Variants in ZNF407 observed in about 807,000 individuals in gnomAD.
ZNF407 encodes zinc finger protein 407.
A neutral mutation model predicts 131.2 loss-of-function variants in ZNF407; 17 were observed. The ratio of observed to expected loss-of-function variants is 0.13; its 90% CI spans 0.09 to 0.19. The LOEUF (loss-of-function observed/expected upper bound fraction) is 0.19, where lower values mean the gene tolerates loss of function less well. ZNF407 is among the 10% of genes least tolerant of loss of function. The probability of loss-of-function intolerance (pLI) is 1.00; values close to 1 mark genes in which losing one functional copy is unlikely to be tolerated. For missense variants in ZNF407, 2,681 were observed against 2,830.6 expected (o/e 0.95, Z 1.20); for synonymous variants, 1,156 against 1,062.0 (o/e 1.09, Z -1.72).
At chr18:74,877,407 A>T in intron 5 of ZNF407, 44 bp downstream of exon 5, 1 of 1,587,234 alleles carries the variant, frequency 6.3e-7, no homozygotes, top group Non-Finnish European at 8.6e-7. Context: ...GGGCAGAGGT[A>T]GACTGGGTGG....
At chr18:75,051,911 A>T (rs1309564593) in intron 8 of ZNF407, among the ~76,000 whole-genome samples, 1 of 152,218 alleles carries the variant, frequency 6.6e-6, no homozygotes, top group South Asian at 2.1e-4. Flanking sequence ...GGTTCATTTG[A>T]CACACAGCCA....
intron 4 of ZNF407, among the ~76,000 whole-genome samples, chr18:74,863,714 T>C (rs1970970193): frequency 6.6e-6 from 1 of 152,186 alleles, no homozygotes; most frequent in Non-Finnish European, 1.5e-5. Flanking sequence ...CTATTATGTT[T>C]TTCTATTCTA....
intron 7 of ZNF407, chr18:74,897,897 G>A (rs991882928): frequency 4.6e-5 from 7 of 152,164 alleles, no homozygotes; most frequent in Non-Finnish European, 8.8e-5. Flanking sequence ...ACTATTGGTG[G>A]AAAATAGCAA....
chr18:74,815,813 A>G (rs986889980), intron 4 of ZNF407, among the ~76,000 whole-genome samples: 2 of 152,136 alleles, frequency 1.3e-5, no homozygotes, highest in African/African-American at 4.8e-5. Context: ...TATGGCTACT[A>G]TTGTAGGTCC....
intron 8 of ZNF407, among the ~76,000 whole-genome samples, chr18:74,936,119 GA>G (rs1972037281): frequency 6.6e-6 from 1 of 152,004 alleles, no homozygotes; most frequent in Non-Finnish European, 1.5e-5. Flanking sequence ...AGTATGTTAC[GA>G]AGACATTTTA....
At chr18:74,666,986 C>T (rs1384522090) in intron 3 of ZNF407, among the ~76,000 whole-genome samples, 1 of 152,150 alleles carries the variant, frequency 6.6e-6, no homozygotes, top group Non-Finnish European at 1.5e-5. Flanking sequence ...ATCTTTTCCC[C>T]AGGGTTCTGC....
chr18:74,673,674 T>C (rs1171463223), intron 3 of ZNF407, among the ~76,000 whole-genome samples: 3 of 152,214 alleles, frequency 2.0e-5, no homozygotes, highest in African/African-American at 7.2e-5. Flanking sequence ...TTTGGGATGA[T>C]AGCTTGTCAG....
intron 3 of ZNF407, among the ~76,000 whole-genome samples, chr18:74,643,426 T>C (rs1984815773): frequency 6.6e-6 from 1 of 152,108 alleles, no homozygotes; most frequent in Non-Finnish European, 1.5e-5. Context: ...TCCTGCATTA[T>C]GTTTTCTTTT....
intron 4 of ZNF407, among the ~76,000 whole-genome samples, chr18:74,797,150 A>G (rs1294321641): frequency 6.6e-6 from 1 of 152,036 alleles, no homozygotes; most frequent in Non-Finnish European, 1.5e-5. Context: ...CTCACCTGTT[A>G]TTTTTAGAAC....
intron 8 of ZNF407, among the ~76,000 whole-genome samples, chr18:74,926,148 G>A (rs1346215983): frequency 1.3e-5 from 2 of 152,114 alleles, no homozygotes; most frequent in African/African-American, 2.4e-5. Context: ...CAAATACTCC[G>A]GAGCTGTCTG....
Position 74,870,169 on chromosome 18 carries a change from A to C in ZNF407, c.4878-7028A>C, listed in dbSNP as rs896860674. Among the ~76,000 whole-genome samples, 70 of 152,334 alleles carry C rather than the reference A, an allele frequency of 4.6e-4. 1 individual carries two copies. The highest frequency in any genetic ancestry group is 1.6e-3 in the African/African-American group (67 of 41,582). On this transcript the variant is annotated intron_variant, in intron 4 of 8. Coordinates refer to ENST00000299687, the MANE Select transcript of ZNF407 (RefSeq NM_017757.3). ...CCTCCCAGAAGTTATTTTGACAAAA[A>C]GCTTTTTAACCCTTGAATTGAATTG...
At chr18:74,987,386 C>T (rs534407340) in intron 8 of ZNF407, among the ~76,000 whole-genome samples, 1 of 152,228 alleles carries the variant, frequency 6.6e-6, no homozygotes, top group Admixed American at 6.5e-5. Flanking sequence ...TACTGTATTA[C>T]CAAACCCAGT....
chr18:75,037,179 A>G (rs1164101438), intron 8 of ZNF407, among the ~76,000 whole-genome samples: 6 of 152,230 alleles, frequency 3.9e-5, no homozygotes, highest in Non-Finnish European at 7.3e-5. Flanking sequence ...AGAAAAGTCT[A>G]TATTTAGCCA....
At chr18:74,788,833 AT>A (rs1969771590) in intron 4 of ZNF407, among the ~76,000 whole-genome samples, 1 of 149,588 alleles carries the variant, frequency 6.7e-6, no homozygotes, top group Admixed American at 6.7e-5. Flanking sequence ...TAAAATAAAT[AT>A]TTTATTAATA....
intron 1 of ZNF407, chr18:74,598,497 A>T (rs9964136): frequency 0.16 from 24,914 of 152,378 alleles, 2,147 homozygotes; most frequent in African/African-American, 0.21. Flanking sequence ...TCTGGTTTCC[A>T]GCAGGGGCTC....
chr18:74,823,278 C>T (rs151152795), intron 4 of ZNF407, among the ~76,000 whole-genome samples: 6 of 152,190 alleles, frequency 3.9e-5, no homozygotes, highest in East Asian at 3.9e-4. Context: ...TAAAGACTGT[C>T]GACACTATGA....
At chr18:74,646,873 C>T (rs760057900) in intron 3 of ZNF407, among the ~76,000 whole-genome samples, 1 of 152,114 alleles carries the variant, frequency 6.6e-6, no homozygotes, top group Non-Finnish European at 1.5e-5. Context: ...CAGCTCTTGT[C>T]TCCATTATAT....
chr18:74,717,629 G>A (rs1243202446), intron 3 of ZNF407, among the ~76,000 whole-genome samples: 2 of 152,040 alleles, frequency 1.3e-5, no homozygotes, highest in East Asian at 3.9e-4. Flanking sequence ...GCAAATTTAA[G>A]GCTTAAAACA....
chr18:75,032,325 G>T (rs1482806549), intron 8 of ZNF407, among the ~76,000 whole-genome samples: 1 of 152,162 alleles, frequency 6.6e-6, no homozygotes, highest in Non-Finnish European at 1.5e-5. Flanking sequence ...GACACTCAGG[G>T]AATTTCACCT....
Sources: allele counts gnomAD v4.1 joint callset (sites outside exome capture counted in the v4.1 genomes callset), GRCh38; gene constraint gnomAD v4.1.1; transcripts MANE v1.5; gene names NCBI Gene and HGNC (gene_info 2026-07-23, HGNC 2026-07-21).